Variants in SORCS1 observed in about 807,000 individuals in gnomAD.
SORCS1 encodes the protein sortilin related VPS10 domain containing receptor 1.
A neutral mutation model predicts 146.1 loss-of-function variants in SORCS1; 60 were observed. The observed-to-expected ratio is 0.41, with a 90% CI of 0.33 to 0.51. The LOEUF (loss-of-function observed/expected upper bound fraction) is 0.51. SORCS1 is among the 20% of genes least tolerant of loss of function. SORCS1 has a pLI of 0.21. For missense variants in SORCS1, 1,352 were observed against 1,487.6 expected (o/e 0.91, Z 1.50); for synonymous variants, 637 against 584.0 (o/e 1.09, Z -1.31).
intron 1 of SORCS1, among the ~76,000 whole-genome samples, chr10:106,993,821 C>A (rs1956873092): frequency 6.6e-6 from 1 of 152,004 alleles, no homozygotes; most frequent in East Asian, 1.9e-4. Context: ...TGCCTGTAAT[C>A]CCTACACTTT....
intron 2 of SORCS1, among the ~76,000 whole-genome samples, chr10:106,918,426 T>G (rs1292617884): frequency 6.6e-6 from 1 of 152,056 alleles, no homozygotes. Flanking sequence ...GCCTCCCAAA[T>G]TGCTGGGATT....
intron 1 of SORCS1, among the ~76,000 whole-genome samples, chr10:106,976,381 G>C (rs1956020150): frequency 7.4e-6 from 1 of 135,706 alleles, no homozygotes; most frequent in Non-Finnish European, 1.5e-5. Context: ...ACCCAGACTG[G>C]AGTGCAGCTG....
intron 8 of SORCS1, among the ~76,000 whole-genome samples, chr10:106,700,760 G>A (rs1036757112): frequency 2.6e-5 from 4 of 152,086 alleles, no homozygotes; most frequent in Admixed American, 6.6e-5. Context: ...CAGTAAACTC[G>A]TGATCCCAGA....
intron 5 of SORCS1, among the ~76,000 whole-genome samples, chr10:106,748,993 A>G (rs1857951046): frequency 6.6e-6 from 1 of 152,176 alleles, no homozygotes; most frequent in Non-Finnish European, 1.5e-5. Context: ...TAAGTTATGG[A>G]GGAACAGAAA....
intron 1 of SORCS1, among the ~76,000 whole-genome samples, chr10:106,988,934 G>A (rs899576508): frequency 6.6e-6 from 1 of 151,824 alleles, no homozygotes; most frequent in Non-Finnish European, 1.5e-5. Context: ...CCTAGGAGGG[G>A]CTTTTTTCCT....
chr10:106,740,060 A>G (rs1266063711), intron 5 of SORCS1, among the ~76,000 whole-genome samples: 2 of 152,164 alleles, frequency 1.3e-5, no homozygotes, highest in East Asian at 1.9e-4. Flanking sequence ...CTATCTCCAC[A>G]TGTTTTGTTT....
intron 2 of SORCS1, among the ~76,000 whole-genome samples, chr10:106,942,966 C>T (rs376095655): frequency 6.6e-6 from 1 of 152,138 alleles, no homozygotes; most frequent in Admixed American, 6.6e-5. Flanking sequence ...CACGTCTCTT[C>T]CTTTTATTTC....
At chr10:106,588,798 T>C (rs1845405011) in intron 24 of SORCS1, among the ~76,000 whole-genome samples, 1 of 139,426 alleles carries the variant, frequency 7.2e-6, no homozygotes, top group Non-Finnish European at 1.5e-5. Context: ...GAGGCAGAGC[T>C]TGCAGTGAGC....
chr10:107,086,160 A>T (rs1963745016), intron 1 of SORCS1, among the ~76,000 whole-genome samples: 1 of 152,196 alleles, frequency 6.6e-6, no homozygotes, highest in Non-Finnish European at 1.5e-5. Context: ...AGAGACATGG[A>T]ATCATTTAAT....
intron 19 of SORCS1, among the ~76,000 whole-genome samples, chr10:106,622,855 A>T (rs1847842004): frequency 6.6e-6 from 1 of 152,238 alleles, no homozygotes; most frequent in Non-Finnish European, 1.5e-5. Flanking sequence ...TGTTCTGAGC[A>T]GATGGAAGTG....
At chr10:106,954,151 T>C (rs1458670230) in intron 2 of SORCS1, among the ~76,000 whole-genome samples, 2 of 152,254 alleles carry the variant, frequency 1.3e-5, no homozygotes, top group African/African-American at 2.4e-5. Context: ...CCTGCAGGCA[T>C]GTTCTTTCCA....
At chr10:106,844,445 C>G (rs1167618634) in intron 2 of SORCS1, among the ~76,000 whole-genome samples, 2 of 151,644 alleles carry the variant, frequency 1.3e-5, no homozygotes, top group Admixed American at 1.3e-4. Context: ...GGTTTCAGGA[C>G]TTATGTTTAA....
chr10:106,926,612 T>G (rs1206113272), intron 2 of SORCS1, among the ~76,000 whole-genome samples: 2 of 152,084 alleles, frequency 1.3e-5, no homozygotes, highest in Non-Finnish European at 2.9e-5. Flanking sequence ...CATTTGAAAA[T>G]CTCATATCGT....
At chr10:106,800,534 TTTTTTA>T (rs1946812463) in intron 3 of SORCS1, among the ~76,000 whole-genome samples, 1 of 130,252 alleles carries the variant, frequency 7.7e-6, no homozygotes, top group Non-Finnish European at 1.7e-5. Context: ...TTTTTTTTTT[TTTTTTA>T]AGATGGAGTC....
chr10:106,690,492 G>A (rs1441155434), intron 9 of SORCS1, among the ~76,000 whole-genome samples: 1 of 152,200 alleles, frequency 6.6e-6, no homozygotes, highest in Non-Finnish European at 1.5e-5. Context: ...ATACATGTTT[G>A]GGAGCTGGTT....
chr10:106,605,469 G>C (rs1371170074), intron 23 of SORCS1, among the ~76,000 whole-genome samples: 1 of 152,184 alleles, frequency 6.6e-6, no homozygotes, highest in African/African-American at 2.4e-5. Flanking sequence ...TTCCATACTT[G>C]AAAAGATTAA....
chr10:107,030,545 G>A (rs1326373620), intron 1 of SORCS1, among the ~76,000 whole-genome samples: 1 of 152,152 alleles, frequency 6.6e-6, no homozygotes, highest in African/African-American at 2.4e-5. Flanking sequence ...ATATTCATAA[G>A]AGGTTTTAAA....
At chr10:106,967,772 C>G (rs1955568164) in intron 1 of SORCS1, among the ~76,000 whole-genome samples, 1 of 152,126 alleles carries the variant, frequency 6.6e-6, no homozygotes, top group African/African-American at 2.4e-5. Context: ...CTTCTTTAAG[C>G]TAGTACCTAC....
At chr10:106,812,026 A>G (rs1947484161) in intron 3 of SORCS1, among the ~76,000 whole-genome samples, 1 of 151,982 alleles carries the variant, frequency 6.6e-6, no homozygotes, top group African/African-American at 2.4e-5. Flanking sequence ...TTTGAGATGG[A>G]GTCTAGCTCT....
Sources: allele counts gnomAD v4.1 joint callset (sites outside exome capture counted in the v4.1 genomes callset), GRCh38; gene constraint gnomAD v4.1.1; transcripts MANE v1.5; gene names NCBI Gene and HGNC (gene_info 2026-07-23, HGNC 2026-07-21).